SP140: variants seen among roughly 807,000 people sequenced by gnomAD.
SP140 encodes the protein SP140 nuclear body protein.
Under a neutral mutation model 125.0 loss-of-function variants are expected in SP140, and 81 were observed. The observed-to-expected ratio is 0.65, with a 90% CI of 0.54 to 0.78. The LOEUF (loss-of-function observed/expected upper bound fraction) is 0.78, where lower values mean the gene tolerates loss of function less well. Ranked by LOEUF, SP140 falls within the 30% of genes least tolerant of loss-of-function variation. SP140 has a pLI of 0.00. For missense variants in SP140, 858 were observed against 1,037.0 expected (o/e 0.83, Z 2.37); for synonymous variants, 312 against 354.0 (o/e 0.88, Z 1.33).
chr2:230,189,903 A>G, the SP140 span, among the ~76,000 whole-genome samples: 8 of 152,222 alleles, frequency 5.3e-5, no homozygotes, highest in African/African-American at 1.9e-4. Flanking sequence ...ATAGTGTTCC[A>G]TGATGTATAT....
chr2:230,189,357 T>C, the SP140 span, among the ~76,000 whole-genome samples: 2 of 152,198 alleles, frequency 1.3e-5, no homozygotes, highest in Non-Finnish European at 2.9e-5. Context: ...TTTTGCTGTA[T>C]CCTAGAAGTT....
the SP140 span, among the ~76,000 whole-genome samples, chr2:230,187,849 ATGTATCTAC>A: frequency 6.6e-6 from 1 of 152,132 alleles, no homozygotes; most frequent in African/African-American, 2.4e-5. Flanking sequence ...CCATTGGTCG[ATGTATCTAC>A]TTTTATAACA....
At chr2:230,239,307 T>C (rs1388402991) in intron 3 of SP140, among the ~76,000 whole-genome samples, 1 of 152,222 alleles carries the variant, frequency 6.6e-6, no homozygotes, top group Non-Finnish European at 1.5e-5. Flanking sequence ...AATGGCGTAG[T>C]ATTTGTGTAT....
Position 230,248,732 on chromosome 2 carries a change from GAGA to G in SP140, c.893-150_893-148del, listed in dbSNP as rs2049895497. Among the ~76,000 whole-genome samples the G allele has an allele frequency of 3.3e-5, 5 of 152,300 alleles. No individual in the cohort carries two copies. In the South Asian group the frequency reaches 1.0e-3, roughly 32 times the overall value. ...GGTGAGGAGGACACTGAGAATTACA[GAGA>G]AGGAGAAAGAGGAGCTGCAACAAGG... On this transcript the variant is annotated intron_variant, in intron 8 of 26. Coordinates refer to ENST00000392045, the MANE Select transcript of SP140 (RefSeq NM_007237.5).
chr2:230,259,707 A>G (rs2051863727), intron 12 of SP140, among the ~76,000 whole-genome samples: 1 of 147,428 alleles, frequency 6.8e-6, no homozygotes, highest in African/African-American at 2.5e-5. Flanking sequence ...ATAGTCTCCA[A>G]TCTCATCCAG....
At chr2:230,196,699 C>T in the SP140 span, among the ~76,000 whole-genome samples, 4 of 151,672 alleles carry the variant, frequency 2.6e-5, no homozygotes, top group African/African-American at 7.3e-5. Context: ...CTCCTCCCCG[C>T]ACCCCACAAC....
intron 1 of SP140, among the ~76,000 whole-genome samples, chr2:230,212,172 G>A (rs58051262): frequency 0.19 from 28,420 of 152,134 alleles, 3,151 homozygotes; most frequent in Non-Finnish European, 0.24. Context: ...TGGTGTTTTG[G>A]TTGTTGGTTT....
rs1574941666 is a variant in SP140 at position 230,239,208 on chromosome 2, A to G, written c.406+827A>G. 1.5e-5 allele frequency: 5 copies of G among 332,082 alleles called. No individual in the cohort carries two copies. The East Asian group carries it at 4.1e-4, about 27-fold the overall frequency. 20.6% of individuals were successfully genotyped at this position (332,082 alleles called of 1,614,324 possible). On this transcript the variant is annotated intron_variant, in intron 3 of 26. Coordinates refer to ENST00000392045, the MANE Select transcript of SP140 (RefSeq NM_007237.5). ...GAGAAAGGTCTAGAGGAAGTCAAAT[A>G]CTGTGCATGCCTCCTTTGGTATCCA...
chr2:230,243,450 C>T lies in SP140; in HGVS notation c.491-281C>T, dbSNP rs1370770776. 2.6e-5 allele frequency among the ~76,000 whole-genome samples: 4 copies of T among 151,980 alleles called. No individual in the cohort carries two copies. In the East Asian group the frequency reaches 7.7e-4, roughly 29 times the overall value. ...AAACATCCGCAGAAAAAAACAGAGG[C>T]AGAGATTGAGGAAATGTACAGAAAC... is the stretch of plus-strand genomic sequence containing the variant. On this transcript the variant is annotated intron_variant, in intron 4 of 26. Transcript: ENST00000392045.
intron 9 of SP140, 33 bp from the exon 10 acceptor site, chr2:230,250,948 T>C (rs751376038): frequency 6.2e-7 from 1 of 1,611,012 alleles, no homozygotes; most frequent in Admixed American, 1.7e-5. Context: ...TTTCTCTTCA[T>C]AATTTCTTGA....
chr2:230,269,297 T>G (rs1187298677), intron 12 of SP140, among the ~76,000 whole-genome samples: 1 of 152,246 alleles, frequency 6.6e-6, no homozygotes, highest in East Asian at 1.9e-4. Flanking sequence ...CCTTGCTTTA[T>G]TCTCAGGACT....
intron 22 of SP140, among the ~76,000 whole-genome samples, chr2:230,301,928 G>A (rs2058314731): frequency 1.3e-5 from 2 of 152,034 alleles, no homozygotes; most frequent in South Asian, 2.1e-4. Flanking sequence ...AAGGTAAAGG[G>A]GTAGAAAAAG....
At chr2:230,235,681 A>C (rs1337752699) in intron 1 of SP140, among the ~76,000 whole-genome samples, 1 of 152,172 alleles carries the variant, frequency 6.6e-6, no homozygotes, top group Non-Finnish European at 1.5e-5. Context: ...CCTATTAGCA[A>C]GGGGAACAAT....
intron 10 of SP140, among the ~76,000 whole-genome samples, chr2:230,252,249 A>G (rs1320078225): frequency 6.6e-6 from 1 of 152,084 alleles, no homozygotes; most frequent in African/African-American, 2.4e-5. Context: ...TGAAGGAGAA[A>G]GAGACAGATA....
In SP140 at chr2:230,297,303, T is replaced by G. The variant is rs538144942; in HGVS notation, c.2017-118T>G. 2.4e-6 allele frequency: 3 copies of G among 1,262,674 alleles called. No homozygotes were observed. In the East Asian group the frequency reaches 7.7e-5, roughly 33 times the overall value. 78.2% of individuals were successfully genotyped at this position (1,262,674 alleles called of 1,614,324 possible). The stretch of plus-strand genomic sequence containing the variant: ...GCCTACTGGCCTTCTCTCTTCCCAA[T>G]TATTTTTTAACAACTGGTTCCTGAA... On this transcript the variant is annotated intron_variant, in intron 21 of 26. Transcript: ENST00000392045.
At chr2:230,212,308 C>A in intron 1 of SP140, 2 of 1,462,714 alleles carry the variant, frequency 1.4e-6, no homozygotes, top group African/African-American at 2.8e-5. Context: ...CCTTCACAGT[C>A]ACCTTGAGCT....
At chr2:230,301,138 GT>G (rs1422792344) in intron 22 of SP140, among the ~76,000 whole-genome samples, 1 of 152,206 alleles carries the variant, frequency 6.6e-6, no homozygotes, top group Admixed American at 6.5e-5. Flanking sequence ...CCTCCACGAA[GT>G]TTAGGATTAT....
chr2:230,224,159 C>T (rs2046051310), upstream of SP140, among the ~76,000 whole-genome samples: 1 of 152,128 alleles, frequency 6.6e-6, no homozygotes, highest in South Asian at 2.1e-4. Flanking sequence ...CAGCAGTACC[C>T]CTGAAGTACC....
upstream of SP140, chr2:230,200,333 G>A (rs55809057): frequency 0.079 from 12,353 of 156,164 alleles, 683 homozygotes; most frequent in South Asian, 0.24. Flanking sequence ...TAATGGTAGC[G>A]ATAGTGAGGG....
Sources: gnomAD v4.1 joint callset for allele counts (sites outside exome capture counted in the v4.1 genomes callset) on GRCh38, gnomAD v4.1.1 for gene constraint, MANE v1.5 for transcripts, NCBI Gene and HGNC (gene_info 2026-07-23, HGNC 2026-07-21) for gene names.